HERC2: variants seen among roughly 807,000 people sequenced by gnomAD.
The protein encoded by HERC2 is HECT and RLD domain containing E3 ubiquitin protein ligase 2.
HERC2 carries 102 observed loss-of-function variants against 537.7 expected under a neutral mutation model. The observed-to-expected ratio is 0.19, with a 90% CI of 0.16 to 0.22. The LOEUF (loss-of-function observed/expected upper bound fraction) is 0.22, where lower values mean the gene tolerates loss of function less well. Ranked by LOEUF, HERC2 falls within the 10% of genes least tolerant of loss-of-function variation. HERC2 has a pLI of 1.00. For missense variants in HERC2, 4,236 were observed against 6,198.2 expected (o/e 0.68, Z 10.63); for synonymous variants, 2,224 against 2,466.2 (o/e 0.90, Z 2.91).
At chr15:28,295,389 G>C (rs1383149151) in intron 3 of HERC2, among the ~76,000 whole-genome samples, 3 of 151,966 alleles carry the variant, frequency 2.0e-5, no homozygotes, top group Non-Finnish European at 4.4e-5. Context: ...CAGCCTCTTT[G>C]TGTATGGTCT....
At chr15:28,319,367 C>A (rs1236379152) in intron 2 of HERC2, among the ~76,000 whole-genome samples, 1 of 151,848 alleles carries the variant, frequency 6.6e-6, no homozygotes, top group African/African-American at 2.4e-5. Context: ...AGGCAGATCG[C>A]TTTGAGGTCA....
At chr15:28,170,637 C>G (rs1311107679) in intron 65 of HERC2, among the ~76,000 whole-genome samples, 1 of 152,052 alleles carries the variant, frequency 6.6e-6, no homozygotes, top group African/African-American at 2.4e-5. Flanking sequence ...AAAGTATGAT[C>G]TATAAAAGAA....
At chr15:28,318,256 G>C (rs993766761) in intron 2 of HERC2, among the ~76,000 whole-genome samples, 3 of 152,190 alleles carry the variant, frequency 2.0e-5, no homozygotes, top group South Asian at 2.1e-4. Flanking sequence ...ACACCTCTTA[G>C]CTCTGTAACG....
intron 6 of HERC2, 30 bp downstream of exon 6, chr15:28,274,875 C>G: frequency 6.4e-7 from 1 of 1,550,744 alleles, no homozygotes; most frequent in Non-Finnish European, 8.9e-7. Context: ...ATTAGGGAAG[C>G]AGAACAACGC....
At chr15:28,167,871 T>C in intron 67 of HERC2, 44 bp from the exon 68 acceptor site, 1 of 1,568,700 alleles carries the variant, frequency 6.4e-7, no homozygotes, top group Non-Finnish European at 8.6e-7. Flanking sequence ...GTGGAAAAAC[T>C]CAGCAACATA....
chr15:28,208,630 G>GC (rs1167984318), intron 44 of HERC2, among the ~76,000 whole-genome samples: 27 of 152,170 alleles, frequency 1.8e-4, no homozygotes, highest in Admixed American at 1.8e-3. Flanking sequence ...TCCAGCTTCA[G>GC]CCCCACCACT....
intron 68 of HERC2, among the ~76,000 whole-genome samples, chr15:28,167,291 A>C (rs1038135294): frequency 6.6e-6 from 1 of 152,366 alleles, no homozygotes; most frequent in Admixed American, 6.5e-5. Flanking sequence ...ACTGAAAAGA[A>C]TTCTGCACCG....
rs1262014450 is a variant in HERC2, at chr15:28,168,557, G to A, written c.10263C>T (p.Ala3421=). ...AGGGGCACTCCACCGGGGCGATCAT[G>A]GCGGCCGGCATCAGGGCCCCGACAA... ...DAVVGALMPA[A]MIAPVECPSF... is the part of the protein sequence containing the mutation. Residue 3421 remains alanine, a synonymous_variant, in exon 67 of 93, where the codon GCC becomes GCT. Coordinates refer to ENST00000261609, the MANE Select transcript of HERC2 (RefSeq NM_004667.6). The A allele has an allele frequency of 6.2e-7, 1 of 1,614,156 alleles. No individual in the cohort carries two copies. Among genetic ancestry groups the A allele is most frequent in the South Asian group, 1.1e-5 (1 of 91,072 alleles).
chr15:28,237,005 C>A lies in HERC2; in HGVS notation c.3961G>T (p.Ala1321Ser), dbSNP rs1902533333. ...ACAGGAGACAGCGGTGTGCTCATTG[C>A]CAAATACGAAGCGTGTAATCCGAGA... ...LLLGLHASYL[A>S]MSTPLSPVEI... The change falls in exon 26 of 93, where the codon GCA (alanine) becomes TCA (serine). Residue 1321 changes from alanine to serine, a missense_variant. Physicochemically the swap from Ala to Ser is moderately conservative, Grantham distance 99. Transcript: ENST00000261609. 2 of 1,611,942 alleles carry A rather than the reference C, an allele frequency of 1.2e-6. No homozygotes were observed. The highest frequency in any genetic ancestry group is 1.3e-5 in the African/African-American group (1 of 74,970).
intron 16 of HERC2, among the ~76,000 whole-genome samples, chr15:28,259,555 A>G (rs982124809): frequency 2.0e-5 from 3 of 152,242 alleles, no homozygotes; most frequent in African/African-American, 7.2e-5. Context: ...AGAAAGTCAG[A>G]CAAGATAGTA....
At chr15:28,197,414 C>T (rs190248824) in intron 50 of HERC2, among the ~76,000 whole-genome samples, 18 of 152,292 alleles carry the variant, frequency 1.2e-4, no homozygotes, top group African/African-American at 4.3e-4. Context: ...TAATTCCCAT[C>T]ATTAGCACAT....
rs74005617 is a variant in HERC2, at chr15:28,148,939, C to T, written c.10901-2595G>A. ...ACACAACTCCTAACTGAAACATCAC[C>T]GAGAACGGCCACACCAACATACATT... On this transcript the variant is annotated intron_variant, in intron 70 of 92. Coordinates refer to ENST00000261609, the MANE Select transcript of HERC2 (RefSeq NM_004667.6). Among the ~76,000 whole-genome samples the T allele has an allele frequency of 3.6e-3, 546 of 151,882 alleles. 5 individuals are homozygous for T. Among genetic ancestry groups the T allele is most frequent in the African/African-American group, 0.013 (524 of 41,420 alleles).
intron 68 of HERC2, among the ~76,000 whole-genome samples, chr15:28,164,503 A>G (rs915161064): frequency 6.6e-6 from 1 of 152,082 alleles, no homozygotes; most frequent in Admixed American, 6.5e-5. Context: ...ATTAACAAGA[A>G]TATCTTTAGT....
chr15:28,133,292 G>A (rs1890295700), intron 79 of HERC2, among the ~76,000 whole-genome samples: 1 of 152,162 alleles, frequency 6.6e-6, no homozygotes, highest in South Asian at 2.1e-4. Context: ...AGTGACTACT[G>A]ATAACAAACT....
chr15:28,184,261 C>T (rs1434965209), intron 56 of HERC2, among the ~76,000 whole-genome samples: 2 of 151,966 alleles, frequency 1.3e-5, no homozygotes, highest in Non-Finnish European at 2.9e-5. Context: ...GTATGGGAAA[C>T]CAGGACTGAT....
intron 2 of HERC2, among the ~76,000 whole-genome samples, chr15:28,318,163 C>T (rs2077139169): frequency 6.6e-6 from 1 of 152,156 alleles, no homozygotes; most frequent in South Asian, 2.1e-4. Flanking sequence ...CTTTGCTTAA[C>T]TGACGTTTTG....
chr15:28,116,805 C>A lies in HERC2; in HGVS notation c.13469G>T (p.Cys4490Phe). 6.2e-7 allele frequency: 1 copy of A among 1,613,948 alleles called. No homozygotes were observed. Among genetic ancestry groups the A allele is most frequent in the Non-Finnish European group, 8.5e-7 (1 of 1,180,024 alleles). Residue 4490 changes from cysteine (C) to phenylalanine (F), a missense_variant, in exon 88 of 93, where the codon TGT becomes TTT. By Grantham distance (205) the Cys-to-Phe change is radical. This residue lies in a region of HERC2 where 29 missense variants were observed against 102.1 expected (regional missense o/e 0.28). Transcript: ENST00000261609. ...CGTGAGTCCGTTCTGCAGCTCCTCA[C>A]AGATCTCAGCTATGGACTCGCTGTA... The part of the protein sequence containing the change: ...GGYSESIAEI[C>F]EELQNGLTPL...
intron 48 of HERC2, among the ~76,000 whole-genome samples, chr15:28,201,138 G>C (rs1319399735): frequency 1.3e-5 from 2 of 151,658 alleles, no homozygotes; most frequent in South Asian, 2.1e-4. Context: ...AGCAGCCTCT[G>C]TCTGGGTGCC....
intron 21 of HERC2, among the ~76,000 whole-genome samples, chr15:28,247,281 C>T (rs535655485): frequency 5.9e-4 from 89 of 152,124 alleles, no homozygotes; most frequent in African/African-American, 2.1e-3. Flanking sequence ...CAGGCATGCA[C>T]TACCACACCC....
Sources: allele counts gnomAD v4.1 joint callset (sites outside exome capture counted in the v4.1 genomes callset), GRCh38; gene constraint gnomAD v4.1.1; regional missense constraint gnomAD v4.1.1; transcripts MANE v1.5; gene names NCBI Gene and HGNC (gene_info 2026-07-23, HGNC 2026-07-21).